Variants in KHDC4 observed in about 807,000 individuals in gnomAD.
KHDC4 encodes the protein KH homology domain-containing protein 4.
KHDC4 carries 19 observed loss-of-function variants against 74.5 expected under a neutral mutation model. The observed-to-expected ratio is 0.26, with a 90% CI of 0.18 to 0.37. The LOEUF (loss-of-function observed/expected upper bound fraction) is 0.37. KHDC4 is among the 10% of genes least tolerant of loss of function. The pLI is 1.00. For missense variants in KHDC4, 632 were observed against 754.1 expected (o/e 0.84, Z 1.90); for synonymous variants, 253 against 266.1 (o/e 0.95, Z 0.48).
intron 8 of KHDC4, among the ~76,000 whole-genome samples, 182 bp downstream of exon 8, chr1:155,923,445 A>C (rs1402043300): frequency 6.6e-6 from 1 of 152,086 alleles, no homozygotes; most frequent in African/African-American, 2.4e-5. Flanking sequence ...TTCTGCCAGC[A>C]CCTTGATTTC....
intron 2 of KHDC4, among the ~76,000 whole-genome samples, chr1:155,932,876 G>A (rs1674170097): frequency 2.0e-5 from 3 of 152,276 alleles, no homozygotes; most frequent in South Asian, 4.1e-4. Context: ...GACAGAGGTT[G>A]TAGTGAGCCG....
At chr1:155,933,528 C>T (rs1055461180) in intron 2 of KHDC4, 105 bp downstream of exon 2, 4 of 796,908 alleles carry the variant, frequency 5.0e-6, no homozygotes, top group Middle Eastern at 2.7e-4. Context: ...TTGTGATCCA[C>T]CCGCCTCGGC....
At chr1:155,915,636 T>C (rs1389174603) in intron 13 of KHDC4, 1 of 441,862 alleles carries the variant, frequency 2.3e-6, no homozygotes, top group African/African-American at 2.1e-5. Context: ...ACCCCCTGAG[T>C]AGCTGGAATT....
intron 3 of KHDC4, 103 bp downstream of exon 3, chr1:155,929,609 T>C: frequency 1.5e-6 from 2 of 1,336,408 alleles, no homozygotes; most frequent in South Asian, 1.4e-5. Context: ...TTAGAGACTA[T>C]GACCCAAACC....
Position 155,917,406 on chromosome 1 carries a change from G to A in KHDC4, c.1440+93C>T, listed in dbSNP as rs188093226. ...TGAATTCCAGAAAGCAGAAATCCTA[G>A]TACTGGGAGAATGATGTGAATTTAT... On this transcript the variant is annotated intron_variant, in intron 11 of 13. Coordinates refer to ENST00000368321, the MANE Select transcript of KHDC4 (RefSeq NM_014949.4). The A allele has an allele frequency of 5.1e-5, 55 of 1,088,370 alleles. No homozygotes were observed. The African/African-American group carries it at 6.1e-4, about 12-fold the overall frequency. The allele number at this position is 1,088,370 out of a possible 1,614,324, so 67.4% of individuals were successfully genotyped here.
At chr1:155,932,429 GA>G (rs1674160957) in intron 2 of KHDC4, 1 of 152,020 alleles carries the variant, frequency 6.6e-6, no homozygotes, top group Non-Finnish European at 1.5e-5. Context: ...AGTAACTGTG[GA>G]TTCTGGGTTT....
At chr1:155,921,310 C>A (rs1208680162) in intron 10 of KHDC4, 65 bp downstream of exon 10, 2 of 1,545,388 alleles carry the variant, frequency 1.3e-6, no homozygotes, top group African/African-American at 2.7e-5. Flanking sequence ...AATACCACTA[C>A]TTCCCCTCTT....
chr1:155,931,999 G>T (rs75778845), intron 2 of KHDC4, among the ~76,000 whole-genome samples: 1 of 152,194 alleles, frequency 6.6e-6, no homozygotes, highest in Non-Finnish European at 1.5e-5. Flanking sequence ...TGTGTCTCTT[G>T]AGCACTTGGC....
In KHDC4 at chr1:155,933,765, A is replaced by C; in HGVS notation, c.123T>G (p.Ser41Arg). The C allele has an allele frequency of 6.2e-7, 1 of 1,601,342 alleles. No homozygotes were observed. Among genetic ancestry groups the C allele is most frequent in the Non-Finnish European group, 8.5e-7 (1 of 1,172,970 alleles). ...PAAPGGEVTS[S>R]GGSPGGTTAA... Reference sequence around the variant, plus strand: ...CTGTGGTGCCCCCAGGACTTCCCCCACTGCTGGTGACCTCCCCACCTGGGG... The same window carrying C: ...CTGTGGTGCCCCCAGGACTTCCCCCCCTGCTGGTGACCTCCCCACCTGGGG... The change falls in exon 2 of 14, where the codon AGT becomes AGG. Residue 41 changes from serine (S) to arginine (R), a missense_variant. Ser to Arg is a moderately radical substitution (Grantham distance 110, BLOSUM62 -1). This residue lies in a region of KHDC4 where 104 missense variants were observed against 78.1 expected (regional missense o/e 1.33). Transcript: ENST00000368321.
intron 4 of KHDC4, among the ~76,000 whole-genome samples, chr1:155,927,803 CAAAAAAAAAAA>C (rs1157393289): frequency 7.4e-4 from 6 of 8,138 alleles, no homozygotes; most frequent in South Asian, 3.8e-3. Flanking sequence ...ACTCTGTCTC[CAAAAAAAAAAA>C]AAAAAAAAAA....
At position 155,913,357 on chromosome 1, in the gene KHDC4, GGAGA is replaced by G. The variant is rs756687145; in HGVS notation, c.*760_*763del. ...TCTGTTTTAGCTGCAACCAGTTCTG[GGAGA>G]GAGAGACCACTGTATTTCATTTCTG... On this transcript the variant is annotated 3_prime_UTR_variant, in exon 14 of 14. Transcript: ENST00000368321. 1 of 152,294 alleles carries G rather than the reference GGAGA, an allele frequency of 6.6e-6. No individual in the cohort carries two copies. The highest frequency in any genetic ancestry group is 2.4e-5 in the African/African-American group (1 of 41,420). The allele number at this position is 152,294 out of a possible 1,614,324, so 9.4% of individuals were successfully genotyped here.
At chr1:155,918,787 C>T (rs1210637274) in intron 10 of KHDC4, among the ~76,000 whole-genome samples, 1 of 152,108 alleles carries the variant, frequency 6.6e-6, no homozygotes, top group Non-Finnish European at 1.5e-5. Context: ...AATAACACAG[C>T]TAACGTTTAC....
chr1:155,929,853 G>T lies in KHDC4; in HGVS notation c.256-13C>A, dbSNP rs781065926. Reference sequence around the variant, plus strand: ...CAGGAGCCTGAAGCTAGAAAAAAGAGAAATTAGATTAAAAAGTTTTTATGA... The same window carrying T: ...CAGGAGCCTGAAGCTAGAAAAAAGATAAATTAGATTAAAAAGTTTTTATGA... On this transcript the variant is annotated splice_polypyrimidine_tract_variant and intron_variant, in intron 2 of 13. Coordinates refer to ENST00000368321, the MANE Select transcript of KHDC4 (RefSeq NM_014949.4). 5 of 1,544,450 alleles carry T rather than the reference G, an allele frequency of 3.2e-6. No individual in the cohort carries two copies. The highest frequency in any genetic ancestry group is 3.5e-6 in the Non-Finnish European group (4 of 1,151,204).
intron 8 of KHDC4, among the ~76,000 whole-genome samples, chr1:155,922,547 C>T (rs1047018044): frequency 2.6e-5 from 4 of 152,148 alleles, no homozygotes; most frequent in Admixed American, 1.3e-4. Flanking sequence ...TTCTGGGGTA[C>T]AGAATCATTT....
chr1:155,921,680 T>G (rs1157586554), intron 9 of KHDC4, 52 bp from the exon 10 acceptor site: 1 of 1,581,336 alleles, frequency 6.3e-7, no homozygotes, highest in Non-Finnish European at 8.6e-7. Flanking sequence ...ATGAGACAAT[T>G]TAGCTGAATA....
rs1390347286 is a variant in KHDC4, at chr1:155,933,866, G to A, written c.39-17C>T. 43 of 1,503,738 alleles carry A rather than the reference G, an allele frequency of 2.9e-5. No individual in the cohort carries two copies. Among genetic ancestry groups the A allele is most frequent in the Non-Finnish European group, 3.6e-5 (40 of 1,120,474 alleles). 93.1% of individuals were successfully genotyped at this position (1,503,738 alleles called of 1,614,324 possible). A position where few individuals can be genotyped will look rare whatever the true frequency, so the allele number is the denominator to read the frequency against. ...CTGCGGCGCCTACATGGAGAAAAAGGAAAACATTAGGCCCCAAAGCTTTCG... is the reference window on the plus strand; with the variant it reads ...CTGCGGCGCCTACATGGAGAAAAAGAAAAACATTAGGCCCCAAAGCTTTCG... On this transcript the variant is annotated splice_polypyrimidine_tract_variant and intron_variant, in intron 1 of 13. Coordinates refer to ENST00000368321, the MANE Select transcript of KHDC4 (RefSeq NM_014949.4).
Position 155,914,134 on chromosome 1 carries a change from C to T in KHDC4, c.1832G>A (p.Trp611Ter). The T allele has an allele frequency of 6.2e-7, 1 of 1,614,012 alleles. No homozygotes were observed. The highest frequency in any genetic ancestry group is 8.5e-7 in the Non-Finnish European group (1 of 1,179,942). ...QPRAKQQMPF[W>*]MAP ...TTCCACTGTTTCCTAGGGAGCCATC[C>T]AGAATGGCATCTGTTGTTTAGCTCG... The change falls in exon 14 of 14, where the codon TGG becomes TAG. Residue 611 changes from tryptophan to a stop codon, truncating the protein, a stop_gained. Coordinates refer to ENST00000368321, the MANE Select transcript of KHDC4 (RefSeq NM_014949.4). LOFTEE classifies it high-confidence loss of function.
At chr1:155,918,981 T>G (rs1278448695) in intron 10 of KHDC4, among the ~76,000 whole-genome samples, 3 of 150,128 alleles carry the variant, frequency 2.0e-5, no homozygotes, top group Admixed American at 6.7e-5. Context: ...GTTTTTTTTT[T>G]TTTTTTTTTT....
intron 2 of KHDC4, among the ~76,000 whole-genome samples, chr1:155,933,148 A>C (rs1674179191): frequency 6.6e-6 from 1 of 152,250 alleles, no homozygotes; most frequent in African/African-American, 2.4e-5. Flanking sequence ...AAATGTAATC[A>C]GCCCAATCAA....
Sources: gnomAD v4.1 joint callset for allele counts (sites outside exome capture counted in the v4.1 genomes callset) on GRCh38, gnomAD v4.1.1 for gene constraint, gnomAD v4.1.1 regional missense constraint, MANE v1.5 for transcripts, NCBI Gene and HGNC (gene_info 2026-07-23, HGNC 2026-07-21) for gene names.